Variants in FLT1 observed in about 807,000 individuals in gnomAD.
FLT1 encodes vascular endothelial growth factor receptor 1.
Under a neutral mutation model 156.3 loss-of-function variants are expected in FLT1, and 49 were observed. The observed-to-expected ratio is 0.31, with a 90% CI of 0.25 to 0.40. The LOEUF is 0.40. Ranked by LOEUF, FLT1 falls within the 10% of genes least tolerant of loss-of-function variation. FLT1 has a pLI of 1.00. For synonymous variants in FLT1, 594 were observed against 583.8 expected, an observed-to-expected ratio of 1.02 and a Z score of -0.25; for missense variants, 1,322 against 1,637.2, an observed-to-expected ratio of 0.81 and a Z score of 3.32.
chr13:28,424,429 G>T (rs1034394760), intron 10 of FLT1, among the ~76,000 whole-genome samples: 1 of 151,914 alleles, frequency 6.6e-6, no homozygotes, highest in Admixed American at 6.6e-5. Context: ...AACTTAGCTC[G>T]CCTTCATAGC....
intron 13 of FLT1, chr13:28,386,794 T>C (rs942458135): frequency 6.6e-6 from 7 of 1,053,332 alleles, no homozygotes; most frequent in Admixed American, 5.5e-5. Flanking sequence ...AGTATCATAT[T>C]ATTATTTAGT....
intron 13 of FLT1, chr13:28,389,367 T>C: frequency 7.9e-7 from 1 of 1,264,214 alleles, no homozygotes; most frequent in Non-Finnish European, 9.9e-7. Context: ...TTGTGCAGCT[T>C]CAACACTTAA....
In FLT1 at chr13:28,412,329, C is replaced by CT. The variant is rs11343321; in HGVS notation, c.1437-6436dup. ...TTTCTCTTTCTTTCTTTCTTTCTTT[C>CT]TTTTCTTTCTTTCTTTCTTTCTCTT... On this transcript the variant is annotated intron_variant, in intron 10 of 29. Coordinates refer to ENST00000282397, the MANE Select transcript of FLT1 (RefSeq NM_002019.4). Among the ~76,000 whole-genome samples the CT allele has an allele frequency of 2.3e-3, 206 of 88,978 alleles. 12 individuals carry two copies. The highest frequency in any genetic ancestry group is 7.5e-3 in the African/African-American group (181 of 24,142). The allele number at this position is 88,978 out of a possible 152,430, so 58.4% of individuals were successfully genotyped here. A position where few individuals can be genotyped will look rare whatever the true frequency, so the allele number is the denominator to read the frequency against.
At chr13:28,430,376 C>A (rs1000233379) in intron 7 of FLT1, among the ~76,000 whole-genome samples, 1 of 152,140 alleles carries the variant, frequency 6.6e-6, no homozygotes, top group Non-Finnish European at 1.5e-5. Flanking sequence ...AATGGTATCA[C>A]GTCCTAGCCA....
At chr13:28,448,365 A>G (rs961510042) in intron 3 of FLT1, among the ~76,000 whole-genome samples, 3 of 152,268 alleles carry the variant, frequency 2.0e-5, no homozygotes, top group Non-Finnish European at 4.4e-5. Flanking sequence ...TCAAATGTCC[A>G]TCAGTTGATT....
Position 28,489,955 on chromosome 13 carries a change from T to C in FLT1, c.64+4825A>G, listed in dbSNP as rs676112. Among the ~76,000 whole-genome samples the C allele has an allele frequency of 3.8e-3, 582 of 152,336 alleles. 5 individuals are homozygous for C. The highest frequency in any genetic ancestry group is 0.013 in the African/African-American group (558 of 41,572). ...AGAAGAAAACTTCATATTAAAAAGATGTCATTTCGAAAGAAATTTTAGCAC... is the reference window on the plus strand; with the variant it reads ...AGAAGAAAACTTCATATTAAAAAGACGTCATTTCGAAAGAAATTTTAGCAC... On this transcript the variant is annotated intron_variant, in intron 1 of 29. Transcript: ENST00000282397.
chr13:28,475,734 G>T (rs1027754378), intron 1 of FLT1, among the ~76,000 whole-genome samples: 1 of 152,168 alleles, frequency 6.6e-6, no homozygotes, highest in Non-Finnish European at 1.5e-5. Flanking sequence ...CTTAACCTCT[G>T]TGTCATATCT....
intron 1 of FLT1, among the ~76,000 whole-genome samples, chr13:28,477,813 T>A (rs1880635519): frequency 6.6e-6 from 1 of 152,152 alleles, no homozygotes; most frequent in Non-Finnish European, 1.5e-5. Context: ...ATAGAATGGA[T>A]CATAATTGCC....
chr13:28,345,312 A>G, intron 16 of FLT1, 133 bp downstream of exon 16: 2 of 683,740 alleles, frequency 2.9e-6, no homozygotes, highest in South Asian at 3.1e-5. Context: ...TTCTGTGTTC[A>G]CCAGGTCAGA....
At chr13:28,454,656 A>G (rs1332517748) in intron 3 of FLT1, among the ~76,000 whole-genome samples, 1 of 152,238 alleles carries the variant, frequency 6.6e-6, no homozygotes, top group Non-Finnish European at 1.5e-5. Flanking sequence ...CTCATGCAAT[A>G]AGACAAGAAA....
chr13:28,453,458 G>C (rs2137592303), intron 3 of FLT1, among the ~76,000 whole-genome samples: 1 of 152,242 alleles, frequency 6.6e-6, no homozygotes. Context: ...CCCAAGGTTG[G>C]ATACATTCTC....
At chr13:28,379,145 C>A (rs1257589571) in intron 14 of FLT1, among the ~76,000 whole-genome samples, 2 of 152,070 alleles carry the variant, frequency 1.3e-5, no homozygotes, top group Non-Finnish European at 2.9e-5. Flanking sequence ...GAGTTCAAGA[C>A]CAGCCTGGCC....
At chr13:28,417,042 A>G (rs772878524) in intron 10 of FLT1, among the ~76,000 whole-genome samples, 3 of 152,210 alleles carry the variant, frequency 2.0e-5, no homozygotes, top group Non-Finnish European at 4.4e-5. Context: ...GGAGTGCCAC[A>G]GGTAGAAGAC....
At chr13:28,490,429 AC>A (rs1424196728) in intron 1 of FLT1, among the ~76,000 whole-genome samples, 1 of 151,588 alleles carries the variant, frequency 6.6e-6, no homozygotes, top group African/African-American at 2.4e-5. Context: ...TCCTTAATGA[AC>A]CCCCCTGCAG....
chr13:28,308,585 A>C (rs1280741115), intron 28 of FLT1, among the ~76,000 whole-genome samples: 1 of 152,222 alleles, frequency 6.6e-6, no homozygotes, highest in Non-Finnish European at 1.5e-5. Flanking sequence ...TTAGAAACAC[A>C]CAATGGAGTT....
intron 4 of FLT1, among the ~76,000 whole-genome samples, chr13:28,436,784 A>T (rs142027666): frequency 1.2e-4 from 18 of 152,348 alleles, no homozygotes; most frequent in Non-Finnish European, 2.1e-4. Context: ...CTGATCTTGT[A>T]CTTAGATACT....
chr13:28,354,558 T>C (rs561337267), intron 15 of FLT1, among the ~76,000 whole-genome samples: 188 of 152,298 alleles, frequency 1.2e-3, no homozygotes, highest in Non-Finnish European at 2.0e-3. Flanking sequence ...TCTATTCCTA[T>C]CCAGGATATA....
chr13:28,408,283 C>T (rs71433265), intron 10 of FLT1, among the ~76,000 whole-genome samples: 1 of 152,152 alleles, frequency 6.6e-6, no homozygotes, highest in African/African-American at 2.4e-5. Flanking sequence ...CTGTTGACCT[C>T]TGACACCCCA....
At chr13:28,490,861 C>G (rs1173070294) in intron 1 of FLT1, among the ~76,000 whole-genome samples, 2 of 152,210 alleles carry the variant, frequency 1.3e-5, no homozygotes, top group East Asian at 3.8e-4. Flanking sequence ...CAACACACCC[C>G]TAACTGTGAG....
Sources: allele counts gnomAD v4.1 joint callset (sites outside exome capture counted in the v4.1 genomes callset), GRCh38; gene constraint gnomAD v4.1.1; transcripts MANE v1.5; gene names NCBI Gene and HGNC (gene_info 2026-07-23, HGNC 2026-07-21).